Variants in ADCY9 observed in about 807,000 individuals in gnomAD.
ADCY9 encodes the protein adenylate cyclase type 9.
Under a neutral mutation model 101.5 loss-of-function variants are expected in ADCY9, and 50 were observed. That is an observed-to-expected ratio of 0.49 (90% CI 0.39 to 0.62). The LOEUF is 0.62. Among genes scored for constraint, ADCY9 ranks in the 20% least tolerant of loss-of-function variants. The probability of loss-of-function intolerance (pLI) is 0.00; values close to 1 mark genes in which losing one functional copy is unlikely to be tolerated. For synonymous variants in ADCY9, 905 were observed against 769.3 expected, an observed-to-expected ratio of 1.18 and a Z score of -2.92; for missense variants, 1,662 against 1,800.4, an observed-to-expected ratio of 0.92 and a Z score of 1.39.
At chr16:3,989,372 T>A (rs1407218899) in intron 5 of ADCY9, among the ~76,000 whole-genome samples, 2 of 150,494 alleles carry the variant, frequency 1.3e-5, no homozygotes, top group Non-Finnish European at 1.5e-5. Flanking sequence ...AGAACCTTGG[T>A]TTTTTGGGGT....
chr16:4,057,412 C>G (rs755491955), intron 2 of ADCY9, among the ~76,000 whole-genome samples: 20 of 152,184 alleles, frequency 1.3e-4, no homozygotes, highest in Non-Finnish European at 2.5e-4. Context: ...CACCATCAAC[C>G]TAGAACACTT....
intron 10 of ADCY9, among the ~76,000 whole-genome samples, chr16:3,969,202 CA>C (rs1478969500): frequency 1.3e-5 from 2 of 152,096 alleles, no homozygotes. Context: ...CAGCCATGGT[CA>C]GGGGGCTGCA....
At chr16:4,107,550 CAAAAAAAAAAAAAAAAA>C (rs61565312) in intron 2 of ADCY9, among the ~76,000 whole-genome samples, 4 of 72,822 alleles carry the variant, frequency 5.5e-5, no homozygotes, top group African/African-American at 2.7e-4. Flanking sequence ...GACTCTGTCT[CAAAAAAAAAAAAAAAAA>C]AAAAAAAAAA....
At chr16:4,096,763 A>T (rs981034158) in intron 2 of ADCY9, among the ~76,000 whole-genome samples, 2 of 152,236 alleles carry the variant, frequency 1.3e-5, no homozygotes, top group African/African-American at 4.8e-5. Flanking sequence ...CAAGGAAATA[A>T]ATCACACGCA....
At chr16:3,977,717 C>A (rs549393123) in intron 8 of ADCY9, 87 bp from the exon 9 acceptor site, 2 of 1,479,930 alleles carry the variant, frequency 1.4e-6, no homozygotes, top group Admixed American at 2.3e-5. Context: ...CGCCACTAAT[C>A]CATGTTTCCT....
chr16:3,979,035 G>C lies in ADCY9; in HGVS notation c.2679+81C>G, dbSNP rs965356852. On this transcript the variant is annotated intron_variant, in intron 8 of 10. Coordinates refer to ENST00000294016, the MANE Select transcript of ADCY9 (RefSeq NM_001116.4). ...TGGCCAAAGGGTTTATTTTTAAATT[G>C]CTATCCCAAGTGATTTAAAGAAAAG... The C allele has an allele frequency of 8.8e-5, 137 of 1,562,950 alleles. 1 individual carries two copies. Among genetic ancestry groups the C allele is most frequent in the South Asian group, 7.2e-4 (64 of 89,406 alleles).
intron 2 of ADCY9, among the ~76,000 whole-genome samples, chr16:4,104,570 C>T (rs1433684989): frequency 1.3e-5 from 2 of 151,964 alleles, no homozygotes; most frequent in African/African-American, 2.4e-5. Context: ...TATGGTAGCA[C>T]CACTGCACTC....
At chr16:4,089,656 C>A (rs1295858041) in intron 2 of ADCY9, among the ~76,000 whole-genome samples, 1 of 152,004 alleles carries the variant, frequency 6.6e-6, no homozygotes. Flanking sequence ...GCCAGACTGT[C>A]TTCTGCAGCA....
At chr16:4,066,265 T>C (rs1319839816) in intron 2 of ADCY9, among the ~76,000 whole-genome samples, 1 of 152,186 alleles carries the variant, frequency 6.6e-6, no homozygotes, top group African/African-American at 2.4e-5. Context: ...TCTCCACAAA[T>C]CTTTTCTCTC....
chr16:4,100,735 T>A, intron 2 of ADCY9, among the ~76,000 whole-genome samples: 2 of 133,356 alleles, frequency 1.5e-5, no homozygotes, highest in African/African-American at 2.7e-5. Flanking sequence ...GGAGTGAGAC[T>A]CTTGTCTCAA....
chr16:4,094,709 A>G (rs2056992359), intron 2 of ADCY9, among the ~76,000 whole-genome samples: 1 of 152,180 alleles, frequency 6.6e-6, no homozygotes, highest in Non-Finnish European at 1.5e-5. Context: ...TTAATACAAT[A>G]TAATAATCAG....
At chr16:4,073,904 A>G (rs569032313) in intron 2 of ADCY9, among the ~76,000 whole-genome samples, 1 of 152,226 alleles carries the variant, frequency 6.6e-6, no homozygotes, top group Non-Finnish European at 1.5e-5. Flanking sequence ...AATAATTTTC[A>G]AAAGTATTTT....
At chr16:4,100,719 G>C (rs140150192) in intron 2 of ADCY9, among the ~76,000 whole-genome samples, 239 of 145,744 alleles carry the variant, frequency 1.6e-3, no homozygotes, top group Non-Finnish European at 2.9e-3. Context: ...CTCCAACCTG[G>C]GCAAAGGAGT....
At chr16:4,066,086 G>A (rs1038967824) in intron 2 of ADCY9, among the ~76,000 whole-genome samples, 1 of 152,170 alleles carries the variant, frequency 6.6e-6, no homozygotes, top group Non-Finnish European at 1.5e-5. Flanking sequence ...CTTCTTCACC[G>A]CAGAGGAGAC....
In ADCY9 at chr16:4,115,236, G is replaced by A. The variant is rs952591550; in HGVS notation, c.207C>T (p.Gly69=). ...DSGGVPRRVG[G]GGRLRRQKKL... is the part of the protein sequence containing the mutation. ...TCTTCTGCCTGCGCAGCCGGCCTCC[G>A]CCGCCCACTCGCCGGGGGACGCCCC... The change falls in exon 2 of 11, where the codon GGC becomes GGT. Residue 69 remains glycine (G), a synonymous_variant. Transcript: ENST00000294016. The surrounding 1 kb of genome is among the most constrained non-coding windows in gnomAD (Gnocchi z 6.2). 2.5e-6 allele frequency: 4 copies of A among 1,613,176 alleles called. No homozygotes were observed. In the East Asian group the frequency reaches 6.7e-5, roughly 27 times the overall value.
chr16:3,972,890 T>C (rs1043385019), intron 10 of ADCY9, among the ~76,000 whole-genome samples: 1 of 152,102 alleles, frequency 6.6e-6, no homozygotes, highest in African/African-American at 2.4e-5. Context: ...GCTGTCCTTT[T>C]ATGATCAGGT....
At chr16:4,086,005 T>C (rs2056935677) in intron 2 of ADCY9, among the ~76,000 whole-genome samples, 1 of 150,094 alleles carries the variant, frequency 6.7e-6, no homozygotes, top group Non-Finnish European at 1.5e-5. Context: ...CCCTAAAAAA[T>C]GAGAAAGACT....
intron 2 of ADCY9, among the ~76,000 whole-genome samples, chr16:4,037,837 G>A (rs915085922): frequency 3.9e-5 from 6 of 152,226 alleles, no homozygotes; most frequent in African/African-American, 4.8e-5. Flanking sequence ...TCAGAAGGCA[G>A]TGAACAGACG....
chr16:4,072,297 C>T lies in ADCY9; in HGVS notation c.1693+41453G>A, dbSNP rs550361185. ...AGTAGCTCCATCGTGGATGCTACTC[C>T]GCCATGTGGCTTCTGATTAACCCCA... On this transcript the variant is annotated intron_variant, in intron 2 of 10. Coordinates refer to ENST00000294016, the MANE Select transcript of ADCY9 (RefSeq NM_001116.4). 5.1e-4 allele frequency among the ~76,000 whole-genome samples: 78 copies of T among 152,318 alleles called. 1 individual carries two copies. Among genetic ancestry groups the T allele is most frequent in the African/African-American group, 1.5e-3 (62 of 41,572 alleles).
Sources: allele counts gnomAD v4.1 joint callset (sites outside exome capture counted in the v4.1 genomes callset), GRCh38; gene constraint gnomAD v4.1.1; non-coding constraint Gnocchi (gnomAD v3.1); transcripts MANE v1.5; gene names NCBI Gene and HGNC (gene_info 2026-07-23, HGNC 2026-07-21).